Variants in GNA12 observed in about 807,000 individuals in gnomAD.
The protein encoded by GNA12 is G protein subunit alpha 12.
A neutral mutation model predicts 26.0 loss-of-function variants in GNA12; 9 were observed. The ratio of observed to expected loss-of-function variants is 0.35; its 90% CI spans 0.21 to 0.60. GNA12 has a LOEUF of 0.60. Ranked by LOEUF, GNA12 falls within the 20% of genes least tolerant of loss-of-function variation. The pLI, the probability that GNA12 is intolerant of heterozygous loss-of-function variation, is 0.78. For missense variants in GNA12, 405 were observed against 525.8 expected (o/e 0.77, Z 2.25); for synonymous variants, 264 against 219.6 (o/e 1.20, Z -1.79).
At chr7:2,838,924 G>C (rs1047784289) in intron 1 of GNA12, among the ~76,000 whole-genome samples, 7 of 152,150 alleles carry the variant, frequency 4.6e-5, no homozygotes, top group African/African-American at 1.2e-4. Flanking sequence ...AGAAGAAATA[G>C]ACAAATCCAC....
chr7:2,763,694 TG>T (rs1296435651), intron 2 of GNA12, among the ~76,000 whole-genome samples: 1 of 152,230 alleles, frequency 6.6e-6, no homozygotes, highest in Non-Finnish European at 1.5e-5. Context: ...TGAGAAAGCC[TG>T]GGCTTGTCCA....
At chr7:2,843,287 C>T (rs923685953) in intron 1 of GNA12, among the ~76,000 whole-genome samples, 1 of 152,108 alleles carries the variant, frequency 6.6e-6, no homozygotes, top group African/African-American at 2.4e-5. Flanking sequence ...TGCCAAGCCC[C>T]CACTCCCCAT....
intron 2 of GNA12, among the ~76,000 whole-genome samples, chr7:2,784,242 C>T (rs1342507358): frequency 5.3e-5 from 8 of 152,182 alleles, no homozygotes; most frequent in African/African-American, 1.4e-4. Context: ...CTCGGCTTCC[C>T]GAGTAGTTGG....
chr7:2,733,315 A>T, intron 3 of GNA12, 136 bp downstream of exon 3: 1 of 723,400 alleles, frequency 1.4e-6, no homozygotes, highest in Non-Finnish European at 2.5e-6. Flanking sequence ...CCATTACAGT[A>T]CTATTCGTGG....
At chr7:2,791,928 C>A (rs1792530740) in intron 2 of GNA12, among the ~76,000 whole-genome samples, 1 of 152,160 alleles carries the variant, frequency 6.6e-6, no homozygotes, top group African/African-American at 2.4e-5. Flanking sequence ...GCACCCACCA[C>A]CCAATAAACA....
intron 2 of GNA12, among the ~76,000 whole-genome samples, chr7:2,734,769 C>T (rs567755395): frequency 6.6e-6 from 1 of 152,338 alleles, no homozygotes; most frequent in African/African-American, 2.4e-5. Flanking sequence ...CCCAGCACTG[C>T]CTGTGTTGAG....
At chr7:2,762,594 A>C in intron 2 of GNA12, 1 of 1,506,376 alleles carries the variant, frequency 6.6e-7, no homozygotes, top group Non-Finnish European at 8.9e-7. Flanking sequence ...TTACAAACCC[A>C]AAAAAGGACA....
chr7:2,809,154 CTGTA>C (rs1793018135), intron 1 of GNA12, among the ~76,000 whole-genome samples: 2 of 152,252 alleles, frequency 1.3e-5, no homozygotes, highest in South Asian at 4.2e-4. Flanking sequence ...TCAGCATCTC[CTGTA>C]TGATTCTCTC....
In GNA12 at chr7:2,739,873, G is replaced by A. The variant is rs543825630; in HGVS notation, c.526-6372C>T. Among the ~76,000 whole-genome samples, 43 of 152,144 alleles carry A rather than the reference G, an allele frequency of 2.8e-4. 1 individual carries two copies. Among genetic ancestry groups the A allele is most frequent in the African/African-American group, 8.9e-4 (37 of 41,490 alleles). On this transcript the variant is annotated intron_variant, in intron 2 of 3. Coordinates refer to ENST00000275364, the MANE Select transcript of GNA12 (RefSeq NM_007353.3). Reference sequence around the variant, plus strand: ...TTTTAGTAGAGACGGGGGTTTCACCGTGTTGGCCAGGCTGGTCTCGAACTC... The same window carrying A: ...TTTTAGTAGAGACGGGGGTTTCACCATGTTGGCCAGGCTGGTCTCGAACTC...
At chr7:2,769,503 G>A (rs533006257) in intron 2 of GNA12, among the ~76,000 whole-genome samples, 3 of 151,912 alleles carry the variant, frequency 2.0e-5, no homozygotes, top group Admixed American at 6.5e-5. Flanking sequence ...GGCCGAGGTC[G>A]GCGGATCACG....
At chr7:2,804,021 CG>C (rs1346200284) in intron 1 of GNA12, among the ~76,000 whole-genome samples, 1 of 152,188 alleles carries the variant, frequency 6.6e-6, no homozygotes, top group African/African-American at 2.4e-5. Context: ...GGATAAGTCT[CG>C]GAATCTCCCT....
chr7:2,794,437 A>G (rs1792599852), intron 2 of GNA12, among the ~76,000 whole-genome samples: 1 of 152,180 alleles, frequency 6.6e-6, no homozygotes, highest in Non-Finnish European at 1.5e-5. Flanking sequence ...TCAGACCCCA[A>G]ATGAATCTAA....
chr7:2,777,383 A>G lies in GNA12; in HGVS notation c.525+17545T>C, dbSNP rs117826055. On this transcript the variant is annotated intron_variant, in intron 2 of 3. Transcript: ENST00000275364. ...ACCAGATGCCTGAAAGGGCGAAGCT[A>G]TATGTTTGGAAATGGAAAGGAAGAC... is the stretch of plus-strand genomic sequence containing the variant. Among the ~76,000 whole-genome samples, 1,455 of 152,360 alleles carry G rather than the reference A, an allele frequency of 9.5e-3. 11 individuals are homozygous for G. The highest frequency in any genetic ancestry group is 0.075 in the Middle Eastern group (22 of 294).
chr7:2,822,711 C>T (rs1234306204), intron 1 of GNA12, among the ~76,000 whole-genome samples: 1 of 152,146 alleles, frequency 6.6e-6, no homozygotes, highest in Non-Finnish European at 1.5e-5. Flanking sequence ...ACACAGGAGG[C>T]TGAACTGAGA....
At chr7:2,786,993 C>G (rs1562427942) in intron 2 of GNA12, among the ~76,000 whole-genome samples, 1 of 152,202 alleles carries the variant, frequency 6.6e-6, no homozygotes, top group African/African-American at 2.4e-5. Flanking sequence ...GGGTTCAGCT[C>G]TGTCTGCTCT....
At chr7:2,738,567 A>G (rs1235369913) in intron 2 of GNA12, among the ~76,000 whole-genome samples, 1 of 152,098 alleles carries the variant, frequency 6.6e-6, no homozygotes, top group Non-Finnish European at 1.5e-5. Flanking sequence ...CTGCTTGCTT[A>G]TATTTGGAAA....
chr7:2,829,345 G>C (rs1051556584), intron 1 of GNA12, among the ~76,000 whole-genome samples: 1 of 152,198 alleles, frequency 6.6e-6, no homozygotes, highest in African/African-American at 2.4e-5. Context: ...TTAGGTTCAT[G>C]TTTTTTGTGC....
chr7:2,802,023 C>T (rs538222786), intron 1 of GNA12, among the ~76,000 whole-genome samples: 3 of 152,036 alleles, frequency 2.0e-5, no homozygotes, highest in Non-Finnish European at 2.9e-5. Context: ...TAATAAACCT[C>T]TTACTCCTGT....
chr7:2,762,546 C>G (rs1381928425), intron 2 of GNA12: 1 of 1,324,302 alleles, frequency 7.6e-7, no homozygotes, highest in Non-Finnish European at 1.0e-6. Context: ...GCCTTCTATT[C>G]TGGAGTTAGA....
Sources: gnomAD v4.1 joint callset for allele counts (sites outside exome capture counted in the v4.1 genomes callset) on GRCh38, gnomAD v4.1.1 for gene constraint, MANE v1.5 for transcripts, NCBI Gene and HGNC (gene_info 2026-07-23, HGNC 2026-07-21) for gene names.